The following GPC5 variants were observed in gnomAD, a reference collection of about 807,000 sequenced individuals.
The protein encoded by GPC5 is glypican 5.
Under a neutral mutation model 53.9 loss-of-function variants are expected in GPC5, and 47 were observed. The ratio of observed to expected loss-of-function variants is 0.87; its 90% confidence interval spans 0.69 to 1.11. The LOEUF (loss-of-function observed/expected upper bound fraction) is 1.11. Ranked by LOEUF, GPC5 falls within the 50% of genes most tolerant of loss-of-function variation. The pLI is 0.00. For missense variants in GPC5, 748 were observed against 713.1 expected (o/e 1.05, Z -0.56); for synonymous variants, 286 against 263.3 (o/e 1.09, Z -0.84).
intron 2 of GPC5, among the ~76,000 whole-genome samples, chr13:91,642,015 C>G (rs1031224812): frequency 1.7e-4 from 26 of 152,140 alleles, no homozygotes; most frequent in African/African-American, 4.1e-4. Context: ...GCTTGATTAA[C>G]TGGATTGGTG....
intron 7 of GPC5, among the ~76,000 whole-genome samples, chr13:92,805,318 A>T (rs1877053960): frequency 6.6e-6 from 1 of 152,078 alleles, no homozygotes. Flanking sequence ...TCATGCATCC[A>T]CAGGCTGCAG....
intron 2 of GPC5, among the ~76,000 whole-genome samples, chr13:91,491,283 C>T (rs1387067213): frequency 6.6e-6 from 1 of 152,198 alleles, no homozygotes; most frequent in Non-Finnish European, 1.5e-5. Context: ...TTACTCCTCT[C>T]TGCCTTTATC....
At chr13:91,899,636 C>T (rs1343468909) in intron 5 of GPC5, among the ~76,000 whole-genome samples, 1 of 152,030 alleles carries the variant, frequency 6.6e-6, no homozygotes, top group Admixed American at 6.6e-5. Context: ...ATAATTAACT[C>T]AAGGATTGAG....
At chr13:91,895,380 G>C (rs1313273304) in intron 5 of GPC5, among the ~76,000 whole-genome samples, 3 of 152,114 alleles carry the variant, frequency 2.0e-5, no homozygotes, top group African/African-American at 7.2e-5. Flanking sequence ...GGCTTATAAA[G>C]AAAAAATGAG....
At chr13:92,540,744 G>C (rs1056601902) in intron 7 of GPC5, among the ~76,000 whole-genome samples, 1 of 151,708 alleles carries the variant, frequency 6.6e-6, no homozygotes, top group African/African-American at 2.4e-5. Flanking sequence ...AATACTTCTG[G>C]GACTAGGGAA....
rs149816828 is a variant in GPC5, at chr13:92,279,655, C to A, written c.1561+134666C>A. Among the ~76,000 whole-genome samples, 779 of 151,738 alleles carry A rather than the reference C, an allele frequency of 5.1e-3. 9 individuals carry two copies. Among genetic ancestry groups the A allele is most frequent in the African/African-American group, 0.018 (740 of 41,400 alleles). On this transcript the variant is annotated intron_variant, in intron 7 of 7. Transcript: ENST00000377067. Reference sequence around the variant, plus strand: ...AAGGGTATTGAATTTTATCTTATTGCTTTATTTGTATCTGCTGAGATGGTC... The same window carrying A: ...AAGGGTATTGAATTTTATCTTATTGATTTATTTGTATCTGCTGAGATGGTC...
At chr13:92,555,037 A>C (rs114356301) in intron 7 of GPC5, among the ~76,000 whole-genome samples, 1,789 of 151,360 alleles carry the variant, frequency 0.012, 37 homozygotes, top group African/African-American at 0.041. Flanking sequence ...TTCTTTTTCA[A>C]GATTATAAAA....
intron 7 of GPC5, among the ~76,000 whole-genome samples, chr13:92,217,151 C>G (rs2042416570): frequency 6.6e-6 from 1 of 152,132 alleles, no homozygotes; most frequent in South Asian, 2.1e-4. Context: ...GTTTTTCAGG[C>G]ATGAACAGTG....
intron 6 of GPC5, among the ~76,000 whole-genome samples, chr13:91,951,571 G>C (rs2040026258): frequency 6.6e-6 from 1 of 152,120 alleles, no homozygotes; most frequent in African/African-American, 2.4e-5. Flanking sequence ...TACCTAAATA[G>C]AATTTTGGTG....
At chr13:91,627,948 A>C (rs1047623057) in intron 2 of GPC5, among the ~76,000 whole-genome samples, 2 of 152,126 alleles carry the variant, frequency 1.3e-5, no homozygotes, top group African/African-American at 4.8e-5. Context: ...TATAAGGGAA[A>C]CTGTTTGTTC....
intron 7 of GPC5, among the ~76,000 whole-genome samples, chr13:92,335,939 C>A (rs1382519382): frequency 6.6e-6 from 1 of 152,164 alleles, no homozygotes; most frequent in Non-Finnish European, 1.5e-5. Flanking sequence ...TCCAAACTTT[C>A]CCACATTTTC....
intron 7 of GPC5, among the ~76,000 whole-genome samples, chr13:92,635,599 C>A (rs1885384614): frequency 6.6e-6 from 1 of 152,142 alleles, no homozygotes. Flanking sequence ...CTAAAGGTCC[C>A]ACTTCTCACC....
intron 7 of GPC5, among the ~76,000 whole-genome samples, chr13:92,702,116 C>G (rs1887765939): frequency 6.6e-6 from 1 of 152,144 alleles, no homozygotes; most frequent in African/African-American, 2.4e-5. Context: ...TCCTGCCTCA[C>G]AGTGGCATGG....
chr13:92,499,580 GA>G lies in GPC5; in HGVS notation c.1561+354595del, dbSNP rs1165373591. 5.9e-5 allele frequency among the ~76,000 whole-genome samples: 9 copies of G among 152,248 alleles called. No homozygotes were observed. In the East Asian group the frequency reaches 1.5e-3, roughly 26 times the overall value. On this transcript the variant is annotated intron_variant, in intron 7 of 7. Coordinates refer to ENST00000377067, the MANE Select transcript of GPC5 (RefSeq NM_004466.6). ...TGTGTATTTTTTAATAAATTTACCT[GA>G]AAAGTGCATTAATTAACTTTACAAT... is the stretch of plus-strand genomic sequence containing the variant.
chr13:92,144,157 G>A (rs2041849959), intron 6 of GPC5, among the ~76,000 whole-genome samples: 1 of 152,056 alleles, frequency 6.6e-6, no homozygotes, highest in African/African-American at 2.4e-5. Flanking sequence ...TGTGCTGTAG[G>A]GGAAAATGTC....
intron 2 of GPC5, among the ~76,000 whole-genome samples, chr13:91,572,771 C>T (rs1455245418): frequency 6.6e-6 from 1 of 151,942 alleles, no homozygotes; most frequent in African/African-American, 2.4e-5. Context: ...TATCACAGTC[C>T]TTCCCAAAAA....
chr13:91,654,031 T>A (rs1268803321), intron 2 of GPC5, among the ~76,000 whole-genome samples: 3 of 152,166 alleles, frequency 2.0e-5, no homozygotes, highest in Non-Finnish European at 4.4e-5. Context: ...ACTTCATATG[T>A]TAAATGCATC....
chr13:92,689,255 T>C (rs1163337458), intron 7 of GPC5, among the ~76,000 whole-genome samples: 3 of 63,532 alleles, frequency 4.7e-5, no homozygotes, highest in African/African-American at 1.2e-4. Context: ...TGCTCCTGTA[T>C]TGGGTGCATA....
intron 7 of GPC5, among the ~76,000 whole-genome samples, chr13:92,790,310 A>T (rs1270430410): frequency 3.3e-5 from 5 of 152,190 alleles, no homozygotes; most frequent in Non-Finnish European, 7.3e-5. Flanking sequence ...GAAGAGATAC[A>T]GGTTTCTAGG....
Sources: gnomAD v4.1 joint callset for allele counts (sites outside exome capture counted in the v4.1 genomes callset) on GRCh38, gnomAD v4.1.1 for gene constraint, MANE v1.5 for transcripts, NCBI Gene and HGNC (gene_info 2026-07-23, HGNC 2026-07-21) for gene names.